Variants in PPFIA2 observed in about 807,000 individuals in gnomAD.
The protein encoded by PPFIA2 is liprin-alpha-2.
A neutral mutation model predicts 175.5 loss-of-function variants in PPFIA2; 46 were observed. The observed-to-expected ratio is 0.26, with a 90% CI of 0.21 to 0.34. The LOEUF (loss-of-function observed/expected upper bound fraction) is 0.34. PPFIA2 is among the 10% of genes least tolerant of loss of function. The pLI is 1.00. For missense variants in PPFIA2, 1,179 were observed against 1,506.1 expected (o/e 0.78, Z 3.60); for synonymous variants, 568 against 511.4 (o/e 1.11, Z -1.49).
intron 4 of PPFIA2, among the ~76,000 whole-genome samples, chr12:81,639,540 T>TA (rs35082036): frequency 0.11 from 16,007 of 150,552 alleles, 1,304 homozygotes; most frequent in East Asian, 0.46. Flanking sequence ...ATCTACTCGG[T>TA]AAAAAAAATA....
intron 4 of PPFIA2, among the ~76,000 whole-genome samples, chr12:81,621,124 G>A (rs1276872270): frequency 2.0e-5 from 3 of 152,138 alleles, no homozygotes; most frequent in African/African-American, 7.2e-5. Context: ...TATCTTATAG[G>A]TAATTAGGGA....
At chr12:81,676,012 G>C (rs984179250) in intron 4 of PPFIA2, among the ~76,000 whole-genome samples, 1 of 152,014 alleles carries the variant, frequency 6.6e-6, no homozygotes, top group African/African-American at 2.4e-5. Context: ...TTTTAATGGA[G>C]TTAAAGTACT....
intron 4 of PPFIA2, among the ~76,000 whole-genome samples, chr12:81,471,979 A>C (rs2056809740): frequency 6.6e-6 from 1 of 152,218 alleles, no homozygotes; most frequent in Non-Finnish European, 1.5e-5. Flanking sequence ...AATTATATGA[A>C]GAGTTTTTTT....
intron 3 of PPFIA2, among the ~76,000 whole-genome samples, chr12:81,705,247 A>G (rs2076982822): frequency 6.6e-6 from 1 of 151,062 alleles, no homozygotes; most frequent in Non-Finnish European, 1.5e-5. Flanking sequence ...CAGGAGATCG[A>G]GACTATCCTA....
chr12:81,507,258 T>C (rs969756205), intron 4 of PPFIA2, among the ~76,000 whole-genome samples: 1 of 152,208 alleles, frequency 6.6e-6, no homozygotes, highest in Non-Finnish European at 1.5e-5. Flanking sequence ...AGTTGTTTTA[T>C]TATATCTAAA....
intron 4 of PPFIA2, among the ~76,000 whole-genome samples, chr12:81,584,867 A>G (rs1384115566): frequency 1.0e-5 from 1 of 99,582 alleles, no homozygotes; most frequent in African/African-American, 3.9e-5. Context: ...TAATATAATT[A>G]TATTATATAA....
chr12:81,512,159 G>A (rs922996176), intron 4 of PPFIA2: 1 of 355,416 alleles, frequency 2.8e-6, no homozygotes, highest in Non-Finnish European at 5.0e-6. Context: ...ATGTCAGCAT[G>A]TTAGCTAACA....
intron 21 of PPFIA2, among the ~76,000 whole-genome samples, chr12:81,332,782 C>T (rs963822320): frequency 6.6e-6 from 1 of 152,052 alleles, no homozygotes; most frequent in Non-Finnish European, 1.5e-5. Context: ...GAAGTAGGAG[C>T]CAGGATTCAC....
At chr12:81,482,977 A>G (rs1391935022) in intron 4 of PPFIA2, among the ~76,000 whole-genome samples, 1 of 152,148 alleles carries the variant, frequency 6.6e-6, no homozygotes, top group African/African-American at 2.4e-5. Flanking sequence ...TTCAGGATAT[A>G]CTATGATACA....
In PPFIA2 at chr12:81,704,731, G is replaced by C. The variant is rs368910047; in HGVS notation, c.250-27887C>G. ...ATTTTTCTATAAGTTATATTAAAAA[G>C]CCAAGGGACATTACTTGAGGATAGC... On this transcript the variant is annotated intron_variant, in intron 3 of 32. Coordinates refer to ENST00000549396, the MANE Select transcript of PPFIA2 (RefSeq NM_003625.5). Among the ~76,000 whole-genome samples the C allele has an allele frequency of 1.8e-4, 27 of 152,054 alleles. No individual in the cohort carries two copies. The East Asian group carries it at 2.9e-3, about 16-fold the overall frequency.
intron 3 of PPFIA2, among the ~76,000 whole-genome samples, chr12:81,706,696 TGAA>T (rs2077194301): frequency 6.6e-6 from 1 of 152,196 alleles, no homozygotes; most frequent in East Asian, 1.9e-4. Context: ...GGGACCCACT[TGAA>T]GAGGCAGCCC....
At chr12:81,614,893 C>G (rs2061298069) in intron 4 of PPFIA2, among the ~76,000 whole-genome samples, 2 of 152,118 alleles carry the variant, frequency 1.3e-5, no homozygotes, top group African/African-American at 2.4e-5. Context: ...ATAAATTACG[C>G]AACTTGTCTA....
chr12:81,436,857 C>CTATTTTTA (rs2049149167), intron 7 of PPFIA2, among the ~76,000 whole-genome samples: 1 of 151,978 alleles, frequency 6.6e-6, no homozygotes, highest in Admixed American at 6.6e-5. Flanking sequence ...CGAGTTAAGC[C>CTATTTTTA]ACATGGACAA....
At chr12:81,526,528 A>G (rs2153274883) in intron 4 of PPFIA2, among the ~76,000 whole-genome samples, 1 of 152,336 alleles carries the variant, frequency 6.6e-6, no homozygotes, top group East Asian at 1.9e-4. Context: ...GCTTTAACAT[A>G]TAGTCCTAAA....
At chr12:81,368,903 A>G (rs1566496326) in intron 12 of PPFIA2, 47 bp from the exon 13 acceptor site, 33 of 1,571,988 alleles carry the variant, frequency 2.1e-5, no homozygotes, top group Non-Finnish European at 2.8e-5. Context: ...AAACTGTTTG[A>G]GATTATTTTT....
intron 27 of PPFIA2, among the ~76,000 whole-genome samples, chr12:81,278,342 A>T (rs2041110964): frequency 6.6e-6 from 1 of 152,052 alleles, no homozygotes; most frequent in African/African-American, 2.4e-5. Flanking sequence ...GGAGTTCGAG[A>T]CCAGCTTGGT....
At chr12:81,577,124 C>A (rs2073689837) in intron 4 of PPFIA2, among the ~76,000 whole-genome samples, 1 of 151,788 alleles carries the variant, frequency 6.6e-6, no homozygotes, top group East Asian at 1.9e-4. Flanking sequence ...CAAATTCTTT[C>A]AACAGAAAAT....
intron 27 of PPFIA2, among the ~76,000 whole-genome samples, chr12:81,279,691 T>C (rs2041574135): frequency 6.6e-6 from 1 of 152,114 alleles, no homozygotes; most frequent in African/African-American, 2.4e-5. Flanking sequence ...AATTTGATCA[T>C]TATAGAAAAC....
At chr12:81,486,667 T>C (rs551815150) in intron 4 of PPFIA2, among the ~76,000 whole-genome samples, 15 of 152,028 alleles carry the variant, frequency 9.9e-5, no homozygotes, top group Middle Eastern at 3.4e-3. Flanking sequence ...AAGTATGCCA[T>C]GCTTTATCCA....
Sources: allele counts gnomAD v4.1 joint callset (sites outside exome capture counted in the v4.1 genomes callset), GRCh38; gene constraint gnomAD v4.1.1; transcripts MANE v1.5; gene names NCBI Gene and HGNC (gene_info 2026-07-23, HGNC 2026-07-21).